ANKRD30B: variants seen among roughly 807,000 people sequenced by gnomAD.
ANKRD30B encodes the protein ankyrin repeat domain-containing protein 30B.
ANKRD30B carries 144 observed loss-of-function variants against 202.2 expected under a neutral mutation model. That is an observed-to-expected ratio of 0.71 (90% CI 0.62 to 0.82). ANKRD30B has a LOEUF of 0.82. ANKRD30B is among the 40% of genes least tolerant of loss of function. The pLI is 0.00. For missense variants in ANKRD30B, 1,487 were observed against 1,669.1 expected, an observed-to-expected ratio of 0.89 and a Z score of 1.90; for synonymous variants, 508 against 561.3, an observed-to-expected ratio of 0.91 and a Z score of 1.34.
chr18:14,866,750 A>G, the ANKRD30B span, among the ~76,000 whole-genome samples: 8 of 151,980 alleles, frequency 5.3e-5, no homozygotes, highest in South Asian at 1.5e-3. Flanking sequence ...GGGTGGCGCT[A>G]TCGGGCGTTG....
chr18:14,872,050 G>A, the ANKRD30B span, among the ~76,000 whole-genome samples: 1 of 152,090 alleles, frequency 6.6e-6, no homozygotes, highest in Non-Finnish European at 1.5e-5. Flanking sequence ...AAACTGAGAA[G>A]CAGAAAATGT....
intron 26 of ANKRD30B, among the ~76,000 whole-genome samples, chr18:14,809,200 T>A (rs1179456676): frequency 6.6e-6 from 1 of 150,768 alleles, no homozygotes; most frequent in Admixed American, 6.6e-5. Flanking sequence ...GATGGTCACA[T>A]GGGGATGAAG....
At chr18:14,796,099 C>G (rs1225350432) in intron 16 of ANKRD30B, 122 bp from the exon 17 acceptor site, 30 of 1,093,224 alleles carry the variant, frequency 2.7e-5, no homozygotes, top group Admixed American at 5.4e-5. Context: ...GACCCCAAAA[C>G]CTAGTGTAAT....
chr18:14,899,678 C>A, the ANKRD30B span, among the ~76,000 whole-genome samples: 1 of 151,992 alleles, frequency 6.6e-6, no homozygotes, highest in Non-Finnish European at 1.5e-5. Flanking sequence ...ATTGCCAGAC[C>A]CATTCTTGGC....
At chr18:14,826,691 T>TCACACACACA (rs767398948) in intron 32 of ANKRD30B, among the ~76,000 whole-genome samples, 16,174 of 82,780 alleles carry the variant, frequency 0.2, 1,012 homozygotes, top group Admixed American at 0.29. Context: ...TCTCTCTCTC[T>TCACACACACA]CTCACACACA....
intron 4 of ANKRD30B, among the ~76,000 whole-genome samples, chr18:14,755,431 G>A (rs1027722431): frequency 2.6e-5 from 4 of 151,250 alleles, no homozygotes; most frequent in African/African-American, 4.9e-5. Context: ...TAAGTTTTAG[G>A]GTACATGTGC....
At chr18:14,777,882 G>A in intron 9 of ANKRD30B, 103 bp from the exon 10 acceptor site, 1 of 727,102 alleles carries the variant, frequency 1.4e-6, no homozygotes, top group Non-Finnish European at 2.3e-6. Context: ...GACAGAGGTG[G>A]CAGTAGGCCG....
intron 16 of ANKRD30B, among the ~76,000 whole-genome samples, chr18:14,795,654 G>A (rs149679576): frequency 0.016 from 2,456 of 152,256 alleles, 70 homozygotes; most frequent in African/African-American, 0.057. Flanking sequence ...TCTATAAGTA[G>A]ATATTTATGC....
chr18:14,748,593 A>G lies in ANKRD30B; in HGVS notation c.174A>G (p.Thr58=). ...RGQVQKLEKM[T]VGKKPVNLNK... is the part of the protein sequence containing the mutation. ...AAGTCCAGAAGCTGGAGAAGATGACAGTAGGGAAGAAGCCCGTCAACCTGA... is the reference window on the plus strand; with the variant it reads ...AAGTCCAGAAGCTGGAGAAGATGACGGTAGGGAAGAAGCCCGTCAACCTGA... Residue 58 remains threonine, a synonymous_variant, in exon 1 of 44, where the codon ACA becomes ACG. Coordinates refer to ENST00000690538, the MANE Select transcript of ANKRD30B (RefSeq NM_001367607.2). 1.3e-6 allele frequency: 2 copies of G among 1,566,374 alleles called. No individual in the cohort carries two copies. Among genetic ancestry groups the G allele is most frequent in the South Asian group, 2.4e-5 (2 of 85,016 alleles).
At chr18:14,888,079 T>C in the ANKRD30B span, among the ~76,000 whole-genome samples, 3 of 152,096 alleles carry the variant, frequency 2.0e-5, no homozygotes, top group Non-Finnish European at 2.9e-5. Context: ...AATTTTGTTC[T>C]TGTTAATAGG....
At chr18:14,783,631 CTT>C (rs1385056589) in intron 12 of ANKRD30B, among the ~76,000 whole-genome samples, 14 of 152,008 alleles carry the variant, frequency 9.2e-5, no homozygotes, top group South Asian at 4.1e-4. Flanking sequence ...ATTGTGGTGA[CTT>C]AACAATATAA....
chr18:14,871,413 C>T, the ANKRD30B span, among the ~76,000 whole-genome samples: 2 of 151,274 alleles, frequency 1.3e-5, no homozygotes, highest in Admixed American at 6.6e-5. Flanking sequence ...GCCTCGTACT[C>T]TGTGCCAGCT....
At chr18:14,836,722 C>A (rs1441030513) in intron 34 of ANKRD30B, among the ~76,000 whole-genome samples, 1 of 151,998 alleles carries the variant, frequency 6.6e-6, no homozygotes, top group African/African-American at 2.4e-5. Flanking sequence ...CTCATTTGCT[C>A]TGACTGTGTT....
At chr18:14,893,126 G>A in the ANKRD30B span, among the ~76,000 whole-genome samples, 27 of 152,246 alleles carry the variant, frequency 1.8e-4, no homozygotes, top group African/African-American at 6.3e-4. Flanking sequence ...ATTGCTTGGG[G>A]AGAGCATTAA....
intron 39 of ANKRD30B, among the ~76,000 whole-genome samples, chr18:14,844,003 T>C (rs1329672955): frequency 2.0e-5 from 3 of 152,196 alleles, no homozygotes; most frequent in African/African-American, 7.2e-5. Flanking sequence ...TCATAGATAA[T>C]ATGTAGAATT....
chr18:14,804,544 G>A (rs1969377235), intron 24 of ANKRD30B, among the ~76,000 whole-genome samples: 1 of 150,538 alleles, frequency 6.6e-6, no homozygotes, highest in Non-Finnish European at 1.5e-5. Flanking sequence ...GTCAGGCGAT[G>A]CTGATGCTGG....
the ANKRD30B span, among the ~76,000 whole-genome samples, chr18:14,916,400 A>G: frequency 6.6e-6 from 1 of 152,212 alleles, no homozygotes; most frequent in Non-Finnish European, 1.5e-5. Flanking sequence ...CTTGAGGAGG[A>G]TACCACTTTA....
Position 14,791,451 on chromosome 18 carries a change from A to G in ANKRD30B, c.1785A>G (p.Thr595=). ...AGGATGTGTATTTACCCAAAGCTAC[A>G]CATCAAAAAGAATTCGATACCTTAA... ...SQKDVYLPKA[T]HQKEFDTLSG... is the part of the protein sequence containing the mutation. The change falls in exon 16 of 44, where the codon ACA becomes ACG. Residue 595 remains threonine (T), a synonymous_variant. Coordinates refer to ENST00000690538, the MANE Select transcript of ANKRD30B (RefSeq NM_001367607.2). 2 of 1,611,584 alleles carry G rather than the reference A, an allele frequency of 1.2e-6. No individual in the cohort carries two copies. The highest frequency in any genetic ancestry group is 1.7e-6 in the Non-Finnish European group (2 of 1,179,068).
At chr18:14,822,811 GT>G in intron 32 of ANKRD30B, 134 bp downstream of exon 32, 1 of 1,212,084 alleles carries the variant, frequency 8.3e-7, no homozygotes. Context: ...TAATGCCAAT[GT>G]TAGTATTCAT....
Sources: gnomAD v4.1 joint callset for allele counts (sites outside exome capture counted in the v4.1 genomes callset) on GRCh38, gnomAD v4.1.1 for gene constraint, MANE v1.5 for transcripts, NCBI Gene and HGNC (gene_info 2026-07-23, HGNC 2026-07-21) for gene names.